PHACTR1: variants seen among roughly 807,000 people sequenced by gnomAD.
PHACTR1 encodes the protein RPEL repeat containing 1.
Under a neutral mutation model 69.2 loss-of-function variants are expected in PHACTR1, and 16 were observed. That is an observed-to-expected ratio of 0.23 (90% CI 0.16 to 0.35). PHACTR1 has a LOEUF of 0.35. PHACTR1 is among the 10% of genes least tolerant of loss of function. PHACTR1 has a pLI of 1.00. For missense variants in PHACTR1, 510 were observed against 734.7 expected (o/e 0.69, Z 3.54); for synonymous variants, 312 against 284.5 (o/e 1.10, Z -0.97).
chr6:13,247,637 T>C (rs202025), intron 10 of PHACTR1, among the ~76,000 whole-genome samples: 123,150 of 152,000 alleles, frequency 0.81, 50,702 homozygotes, highest in Non-Finnish European at 0.89. Flanking sequence ...TGAGCCACCG[T>C]GCCCAGCCCA....
At chr6:12,737,482 T>TGC (rs1764432942) in intron 3 of PHACTR1, among the ~76,000 whole-genome samples, 1 of 152,148 alleles carries the variant, frequency 6.6e-6, no homozygotes. Flanking sequence ...ATTGCGTGTG[T>TGC]GTATTTTTAT....
chr6:12,989,546 C>T (rs1233841086), intron 4 of PHACTR1, among the ~76,000 whole-genome samples: 1 of 152,160 alleles, frequency 6.6e-6, no homozygotes, highest in African/African-American at 2.4e-5. Context: ...CCTGCAACTC[C>T]CATATTGGTG....
chr6:12,947,078 T>C (rs897476740), intron 4 of PHACTR1, among the ~76,000 whole-genome samples: 1 of 152,114 alleles, frequency 6.6e-6, no homozygotes, highest in Non-Finnish European at 1.5e-5. Context: ...CCGAAAGTGC[T>C]GGGATTACAG....
chr6:12,990,534 T>A (rs1796704001), intron 4 of PHACTR1, among the ~76,000 whole-genome samples: 1 of 152,258 alleles, frequency 6.6e-6, no homozygotes, highest in African/African-American at 2.4e-5. Flanking sequence ...CAAGCGCTTT[T>A]GGGCTCCAGC....
intron 4 of PHACTR1, among the ~76,000 whole-genome samples, chr6:12,963,318 C>T (rs1045305761): frequency 5.3e-5 from 8 of 152,164 alleles, no homozygotes; most frequent in Admixed American, 1.3e-4. Context: ...ACAGCTGCAC[C>T]GTTACCGGGA....
At chr6:13,152,637 A>G (rs1824483203) in intron 5 of PHACTR1, among the ~76,000 whole-genome samples, 1 of 152,224 alleles carries the variant, frequency 6.6e-6, no homozygotes, top group Admixed American at 6.5e-5. Flanking sequence ...AAGCTGTGAG[A>G]ATTTCCCTAG....
At chr6:13,188,720 G>T (rs910598960) in intron 7 of PHACTR1, among the ~76,000 whole-genome samples, 8 of 152,224 alleles carry the variant, frequency 5.3e-5, no homozygotes, top group African/African-American at 1.4e-4. Context: ...CAGGTGGGGA[G>T]AAGTTCTCTC....
intron 4 of PHACTR1, among the ~76,000 whole-genome samples, chr6:13,025,658 A>G (rs987110601): frequency 7.0e-6 from 1 of 142,382 alleles, no homozygotes; most frequent in Non-Finnish European, 1.5e-5. Flanking sequence ...TAACCAGATA[A>G]GTCATATATT....
At chr6:13,128,986 G>A (rs540088108) in intron 5 of PHACTR1, among the ~76,000 whole-genome samples, 37 of 152,262 alleles carry the variant, frequency 2.4e-4, no homozygotes, top group Non-Finnish European at 4.1e-4. Context: ...ATTAGGGATC[G>A]GGGTCCCATC....
At chr6:13,182,788 T>G in intron 7 of PHACTR1, 102 bp downstream of exon 7, 1 of 1,203,556 alleles carries the variant, frequency 8.3e-7, no homozygotes, top group Non-Finnish European at 1.1e-6. Flanking sequence ...TTTTGGACTA[T>G]CCTGAGCGTA....
At chr6:12,942,776 T>G (rs1406202908) in intron 4 of PHACTR1, among the ~76,000 whole-genome samples, 1 of 152,204 alleles carries the variant, frequency 6.6e-6, no homozygotes, top group Admixed American at 6.5e-5. Flanking sequence ...AGAAAGTAGC[T>G]TATGAGCTAG....
intron 4 of PHACTR1, among the ~76,000 whole-genome samples, chr6:12,768,861 C>CACACAA (rs1769021496): frequency 7.9e-6 from 1 of 127,036 alleles, no homozygotes. Context: ...CACACACACA[C>CACACAA]AATGGAATAC....
intron 4 of PHACTR1, among the ~76,000 whole-genome samples, chr6:13,052,877 G>A (rs1027218431): frequency 2.0e-5 from 3 of 152,236 alleles, no homozygotes; most frequent in Non-Finnish European, 4.4e-5. Flanking sequence ...GGTAAAGCCA[G>A]GTAGTAGGAA....
intron 4 of PHACTR1, among the ~76,000 whole-genome samples, chr6:12,800,712 C>G (rs985755638): frequency 1.4e-4 from 21 of 152,006 alleles, no homozygotes; most frequent in Middle Eastern, 3.4e-3. Context: ...ATAGTGAAAC[C>G]CCAGCTCTAC....
At chr6:13,244,675 G>A (rs1773342059) in intron 10 of PHACTR1, among the ~76,000 whole-genome samples, 2 of 152,218 alleles carry the variant, frequency 1.3e-5, no homozygotes, top group South Asian at 4.1e-4. Flanking sequence ...CGGCTCACCG[G>A]CAGTCAGAGT....
At chr6:13,259,003 C>T (rs1775562218) in intron 10 of PHACTR1, among the ~76,000 whole-genome samples, 1 of 152,200 alleles carries the variant, frequency 6.6e-6, no homozygotes, top group African/African-American at 2.4e-5. Flanking sequence ...AGGAGTTAAG[C>T]TAAAGGTGAC....
At chr6:12,804,177 C>A (rs1017239184) in intron 4 of PHACTR1, among the ~76,000 whole-genome samples, 1 of 152,118 alleles carries the variant, frequency 6.6e-6, no homozygotes, top group Admixed American at 6.5e-5. Context: ...ACTTCTTTTG[C>A]CTTTTTAGTT....
At chr6:13,219,636 A>C (rs958607312) in intron 8 of PHACTR1, among the ~76,000 whole-genome samples, 7 of 152,028 alleles carry the variant, frequency 4.6e-5, no homozygotes, top group Non-Finnish European at 5.9e-5. Flanking sequence ...TGTGCTACTC[A>C]CACAAAACTT....
At chr6:12,795,633 G>T (rs1772887144) in intron 4 of PHACTR1, among the ~76,000 whole-genome samples, 3 of 152,116 alleles carry the variant, frequency 2.0e-5, no homozygotes, top group Non-Finnish European at 2.9e-5. Flanking sequence ...GGCGAGAAGG[G>T]TATGGAAATA....
Sources: allele counts gnomAD v4.1 joint callset (sites outside exome capture counted in the v4.1 genomes callset), GRCh38; gene constraint gnomAD v4.1.1; transcripts MANE v1.5; gene names NCBI Gene and HGNC (gene_info 2026-07-23, HGNC 2026-07-21).